The following GNG4 variants were observed in gnomAD, a reference collection of about 807,000 sequenced individuals.
The protein encoded by GNG4 is G protein subunit gamma 4.
Under a neutral mutation model 5.8 loss-of-function variants are expected in GNG4, and 4 were observed. The observed-to-expected ratio is 0.69, with a 90% CI of 0.34 to 1.57. The LOEUF (loss-of-function observed/expected upper bound fraction) is 1.57. Ranked by LOEUF, GNG4 falls within the 40% of genes most tolerant of loss-of-function variation. GNG4 has a pLI of 0.06. For synonymous variants in GNG4, 29 were observed against 32.9 expected (o/e 0.88, Z 0.41); for missense variants, 96 against 95.1 (o/e 1.01, Z -0.04).
chr1:235,630,436 C>T (rs758226324), intron 1 of GNG4, among the ~76,000 whole-genome samples: 5 of 152,230 alleles, frequency 3.3e-5, no homozygotes, highest in Non-Finnish European at 5.9e-5. Context: ...GATGATGCCA[C>T]GCTCTCATCA....
intron 1 of GNG4, among the ~76,000 whole-genome samples, chr1:235,613,126 A>G (rs1433885748): frequency 1.3e-5 from 2 of 152,116 alleles, no homozygotes; most frequent in Non-Finnish European, 2.9e-5. Context: ...TGGGGGGGTC[A>G]CAAACATTCA....
At chr1:235,639,087 G>T (rs7554426) in intron 1 of GNG4, among the ~76,000 whole-genome samples, 80,100 of 151,998 alleles carry the variant, frequency 0.53, 23,537 homozygotes, top group East Asian at 0.85. Context: ...TCTCAGATGC[G>T]CCTATCTTCC....
At chr1:235,628,357 G>A (rs370349909) in intron 1 of GNG4, among the ~76,000 whole-genome samples, 1 of 151,916 alleles carries the variant, frequency 6.6e-6, no homozygotes, top group East Asian at 1.9e-4. Flanking sequence ...CTGCAGGACC[G>A]GAGAGTGACC....
At chr1:235,590,750 C>A (rs1298641490) in intron 2 of GNG4, among the ~76,000 whole-genome samples, 5 of 152,270 alleles carry the variant, frequency 3.3e-5, no homozygotes, top group Non-Finnish European at 5.9e-5. Flanking sequence ...ACCTGGACGT[C>A]CGTATTTTAC....
At chr1:235,646,759 A>G (rs531975207) in intron 1 of GNG4, among the ~76,000 whole-genome samples, 2 of 152,332 alleles carry the variant, frequency 1.3e-5, no homozygotes, top group East Asian at 1.9e-4. Context: ...CTGATTGCCC[A>G]CCAGCCACCA....
chr1:235,629,604 T>C (rs1177088951), intron 1 of GNG4, among the ~76,000 whole-genome samples: 8 of 151,310 alleles, frequency 5.3e-5, no homozygotes, highest in South Asian at 2.1e-4. Context: ...TTCTTTCTTT[T>C]TTTTTTTTTT....
intron 2 of GNG4, among the ~76,000 whole-genome samples, chr1:235,593,330 G>A (rs1480006648): frequency 6.6e-6 from 1 of 152,188 alleles, no homozygotes; most frequent in Non-Finnish European, 1.5e-5. Context: ...ACCAATGCAA[G>A]GCGGTTCCAT....
intron 3 of GNG4, among the ~76,000 whole-genome samples, chr1:235,555,910 C>T (rs748839606): frequency 6.6e-6 from 1 of 152,066 alleles, no homozygotes; most frequent in South Asian, 2.1e-4. Context: ...CTCTGCCATC[C>T]AGACTGGAGT....
Position 235,551,904 on chromosome 1 carries a change from A to G in GNG4, c.*205T>C. 1 of 473,624 alleles carries G rather than the reference A, an allele frequency of 2.1e-6. No individual in the cohort carries two copies. The allele number at this position is 473,624 out of a possible 1,614,324, so 29.3% of individuals were successfully genotyped here. ...TATAAACATTTTGATTTTCTTTGCC[A>G]ATAATGAAAATAACATGAAAATGAA... On this transcript the variant is annotated 3_prime_UTR_variant, in exon 4 of 4. Transcript: ENST00000391854.
intron 1 of GNG4, among the ~76,000 whole-genome samples, chr1:235,596,283 A>C (rs997177778): frequency 1.6e-4 from 24 of 151,304 alleles, no homozygotes; most frequent in African/African-American, 5.6e-4. Flanking sequence ...TATGCCTGTA[A>C]TCCCAGCATT....
rs564214164 is a variant in GNG4 at position 235,583,185 on chromosome 1, CCT to C, written c.99+553_99+554del. On this transcript the variant is annotated intron_variant, in intron 3 of 3. Coordinates refer to ENST00000391854, the MANE Select transcript of GNG4 (RefSeq NM_001098722.2). ...CATGCTTTGCCTGGCCTTCTGCTCA[CCT>C]CTGAGTGGCATCTGGAGAAGAGGTG... Among the ~76,000 whole-genome samples, 9 of 152,336 alleles carry C rather than the reference CCT, an allele frequency of 5.9e-5. No homozygotes were observed. In the South Asian group the frequency reaches 1.9e-3, roughly 32 times the overall value.
intron 1 of GNG4, among the ~76,000 whole-genome samples, chr1:235,646,590 C>T (rs1480780339): frequency 2.0e-5 from 3 of 152,182 alleles, no homozygotes; most frequent in African/African-American, 7.2e-5. Context: ...ACAAACCTCA[C>T]GGCCATGGAG....
At position 235,610,163 on chromosome 1, in the gene GNG4, C is replaced by T. The variant is rs76762828; in HGVS notation, c.-122-14652G>A. The stretch of plus-strand genomic sequence containing the variant: ...CCCCTCAGCCCTTCCTTGACTTTGA[C>T]GACCCACAGCACTTTCCAAGATAGC... On this transcript the variant is annotated intron_variant, in intron 1 of 3. Transcript: ENST00000391854. Among the ~76,000 whole-genome samples, 23 of 152,308 alleles carry T rather than the reference C, an allele frequency of 1.5e-4. 1 individual carries two copies. Among genetic ancestry groups the T allele is most frequent in the Non-Finnish European group, 3.2e-4 (22 of 68,014 alleles).
intron 1 of GNG4, among the ~76,000 whole-genome samples, chr1:235,612,123 C>T (rs1688491842): frequency 7.3e-6 from 1 of 137,658 alleles, no homozygotes; most frequent in Admixed American, 7.2e-5. Context: ...GAAGTACTTA[C>T]AAATATAAGG....
intron 1 of GNG4, among the ~76,000 whole-genome samples, chr1:235,602,508 C>T (rs1161060811): frequency 2.6e-5 from 4 of 152,174 alleles, no homozygotes; most frequent in Admixed American, 2.0e-4. Flanking sequence ...TTTAAGTCAC[C>T]GTGTTTCTGC....
At chr1:235,552,258 G>A (rs980605562) in intron 3 of GNG4, 21 bp from the exon 4 acceptor site, 14 of 1,611,644 alleles carry the variant, frequency 8.7e-6, no homozygotes, top group Non-Finnish European at 1.1e-5. Context: ...ACAGAGCACA[G>A]GTGCTCAGTT....
chr1:235,621,897 G>A lies in GNG4; in HGVS notation c.-122-26386C>T, dbSNP rs1054989499. The stretch of plus-strand genomic sequence containing the variant: ...TTGCCATGTTGCTCAGGTTGGTCTC[G>A]AACTCCAAGGTTCAAGCCATCCTCC... On this transcript the variant is annotated intron_variant, in intron 1 of 3. Coordinates refer to ENST00000391854, the MANE Select transcript of GNG4 (RefSeq NM_001098722.2). 2.0e-4 allele frequency among the ~76,000 whole-genome samples: 30 copies of A among 151,474 alleles called. No individual in the cohort carries two copies. In the Middle Eastern group the frequency reaches 0.021, roughly 104 times the overall value.
At chr1:235,598,247 A>G (rs1480016879) in intron 1 of GNG4, among the ~76,000 whole-genome samples, 1 of 152,206 alleles carries the variant, frequency 6.6e-6, no homozygotes, top group Non-Finnish European at 1.5e-5. Flanking sequence ...TGATAAAACC[A>G]CTGCTCTATA....
chr1:235,628,924 A>C (rs1688877098), intron 1 of GNG4, among the ~76,000 whole-genome samples: 1 of 151,216 alleles, frequency 6.6e-6, no homozygotes, highest in African/African-American at 2.4e-5. Context: ...GGAGATGGAC[A>C]TGCATTTCCT....
Sources: gnomAD v4.1 joint callset for allele counts (sites outside exome capture counted in the v4.1 genomes callset) on GRCh38, gnomAD v4.1.1 for gene constraint, MANE v1.5 for transcripts, NCBI Gene and HGNC (gene_info 2026-07-23, HGNC 2026-07-21) for gene names.